Variants in CYGB observed in about 807,000 individuals in gnomAD.
CYGB encodes cytoglobin.
In CYGB, 13 loss-of-function variants were observed where a neutral mutation model predicts 20.7. The ratio of observed to expected loss-of-function variants is 0.63; its 90% CI spans 0.41 to 1.00. The LOEUF is 1.00. Ranked by LOEUF, CYGB falls within the 50% of genes least tolerant of loss-of-function variation. The probability of loss-of-function intolerance (pLI) is 0.00; values close to 1 mark genes in which losing one functional copy is unlikely to be tolerated. For synonymous variants in CYGB, 93 were observed against 107.4 expected (o/e 0.87, Z 0.83); for missense variants, 218 against 257.2 (o/e 0.85, Z 1.04).
Position 76,531,729 on chromosome 17 carries a change from G to C in CYGB, c.144-38C>G. On this transcript the variant is annotated intron_variant, in intron 1 of 3. Transcript: ENST00000293230. The surrounding 1 kb of genome is among the most constrained non-coding windows in gnomAD (Gnocchi z 7.4). The stretch of plus-strand genomic sequence containing the variant: ...ACAGGGGTGGTCGCTGAAGCTGGAG[G>C]CTGCCTCGGGCCCACCCTGAAGCTT... 4.6e-6 allele frequency: 7 copies of C among 1,536,544 alleles called. No homozygotes were observed. The highest frequency in any genetic ancestry group is 5.3e-6 in the Non-Finnish European group (6 of 1,127,830).
rs1222738824 is a variant in CYGB at position 76,537,533 on chromosome 17, C to T, written c.10G>A (p.Val4Met). MEK[V>M]PGEMEIERRE... ...CGCTCGATCTCCATCTCGCCTGGCA[C>T]TTTCTCCATGAGCAGCTCCAAGCCC... The change falls in exon 1 of 4, where the codon GTG becomes ATG. Residue 4 changes from valine to methionine, a missense_variant. By Grantham distance (21) the Val-to-Met change is conservative. Coordinates refer to ENST00000293230, the MANE Select transcript of CYGB (RefSeq NM_134268.5). The T allele has an allele frequency of 2.0e-5, 31 of 1,560,896 alleles. No homozygotes were observed. The highest frequency in any genetic ancestry group is 2.6e-5 in the Non-Finnish European group (30 of 1,156,824).
Position 76,537,464 on chromosome 17 carries a change from C to T in CYGB, c.79G>A (p.Val27Met). The change falls in exon 1 of 4, where the codon GTG becomes ATG. Residue 27 changes from valine (V) to methionine (M), a missense_variant. Val to Met is a conservative substitution (Grantham distance 21, BLOSUM62 1). Transcript: ENST00000293230. ...TAGAGCCGGGCCCACATAGCCTGCA[C>T]CGCCTTCCTCTCCGCCTCGGACAGC... The part of the protein sequence containing the change: ...EELSEAERKA[V>M]QAMWARLYAN... The T allele has an allele frequency of 6.3e-7, 1 of 1,597,460 alleles. No homozygotes were observed. The highest frequency in any genetic ancestry group is 1.1e-5 in the South Asian group (1 of 89,804).
At chr17:76,538,451 C>A (rs990123306), upstream of CYGB, 3 of 466,298 alleles carry the variant, frequency 6.4e-6, no homozygotes, top group Non-Finnish European at 1.3e-5. Context: ...GCCCTCGGTG[C>A]ACGAACGCGG....
intron 1 of CYGB, chr17:76,544,893 T>A: frequency 2.2e-6 from 1 of 456,756 alleles, no homozygotes; most frequent in Non-Finnish European, 4.4e-6. Flanking sequence ...GCAGCGCCCC[T>A]CCACGCCACT....
At position 76,528,286 on chromosome 17, in the gene CYGB, T is replaced by G. The variant is rs2074790482; in HGVS notation, c.*292A>C. ...ATTCCCTAAGGGACTCCTAGACCTG[T>G]CCCGCTTCCTGCCAGCCGCTCAGCT... On this transcript the variant is annotated 3_prime_UTR_variant, in exon 4 of 4. Transcript: ENST00000293230. This position sits in a 1 kb window ranked among gnomAD's most constrained non-coding sequence, Gnocchi z 5.8. The G allele has an allele frequency of 5.0e-6, 2 of 400,154 alleles. No individual in the cohort carries two copies. Among genetic ancestry groups the G allele is most frequent in the Non-Finnish European group, 8.8e-6 (2 of 226,942 alleles). 24.8% of individuals were successfully genotyped at this position (400,154 alleles called of 1,614,324 possible).
rs965708383 is a variant in CYGB at position 76,546,449 on chromosome 17, TTTG to T, written c.-53+4410_-53+4412del. The stretch of plus-strand genomic sequence containing the variant: ...AGTGTGCGGTTGTGTGTGTGTGTGG[TTTG>T]TGTGTGTGTGTGTGTGTGTGCGCGC... On this transcript the variant is annotated intron_variant, in intron 1 of 3. Transcript: ENST00000589145. This position sits in a 1 kb window ranked among gnomAD's most constrained non-coding sequence, Gnocchi z 4.5. 70 of 14,408 alleles carry T rather than the reference TTTG, an allele frequency of 4.9e-3. No homozygotes were observed. In the South Asian group the frequency reaches 0.058, roughly 12 times the overall value. 0.9% of individuals were successfully genotyped at this position (14,408 alleles called of 1,614,324 possible).
At chr17:76,539,710 AT>A (rs939413330), upstream of CYGB, among the ~76,000 whole-genome samples, 5 of 152,192 alleles carry the variant, frequency 3.3e-5, no homozygotes, top group African/African-American at 1.2e-4. Context: ...TGCACTGCAA[AT>A]TCAGAGGCCC....
chr17:76,531,328 C>T lies in CYGB; in HGVS notation c.375+132G>A. On this transcript the variant is annotated intron_variant, in intron 2 of 3. Transcript: ENST00000293230. The surrounding 1 kb of genome is among the most constrained non-coding windows in gnomAD (Gnocchi z 7.4). ...CCAGCCCCTCCATCCTGCTGCCGGG[C>T]ACTGCCCCTCCCTCTCGCAGCCACT... 1 of 1,258,382 alleles carries T rather than the reference C, an allele frequency of 7.9e-7. No homozygotes were observed. The allele number at this position is 1,258,382 out of a possible 1,614,324, so 78.0% of individuals were successfully genotyped here. A position where few individuals can be genotyped will look rare whatever the true frequency, so the allele number is the denominator to read the frequency against.
intron 1 of CYGB, chr17:76,545,612 A>C (rs968046464): frequency 1.2e-5 from 4 of 338,818 alleles, no homozygotes; most frequent in African/African-American, 8.6e-5. Flanking sequence ...TTGTTCCACC[A>C]GCACATCCTA....
At chr17:76,536,081 C>T (rs1442345225) in intron 1 of CYGB, among the ~76,000 whole-genome samples, 1 of 152,164 alleles carries the variant, frequency 6.6e-6, no homozygotes, top group Non-Finnish European at 1.5e-5. Context: ...TGGTTCCGAG[C>T]GTCTGAGGCC....
In CYGB at chr17:76,528,587, C is replaced by G. The variant is rs376871878; in HGVS notation, c.564G>C (p.Ser188=). 1.6e-6 allele frequency: 2 copies of G among 1,286,300 alleles called. No individual in the cohort carries two copies. Among genetic ancestry groups the G allele is most frequent in the African/African-American group, 1.5e-5 (1 of 65,486 alleles). 79.7% of individuals were successfully genotyped at this position (1,286,300 alleles called of 1,614,324 possible). A position where few individuals can be genotyped will look rare whatever the true frequency, so the allele number is the denominator to read the frequency against. The change falls in exon 4 of 4, where the codon TCG becomes TCC. Residue 188 remains serine, a synonymous_variant. Coordinates refer to ENST00000293230, the MANE Select transcript of CYGB (RefSeq NM_134268.5). The surrounding 1 kb of genome is among the most constrained non-coding windows in gnomAD (Gnocchi z 5.8). ...ATTPPATLPS[S]GP ...GGTGGAGTTAGGGGTCCTACGGCCC[C>G]GAAGAGGGCAGTGTGGCCGGTGGGC...
intron 1 of CYGB, among the ~76,000 whole-genome samples, chr17:76,548,032 A>G (rs1365194208): frequency 6.6e-6 from 1 of 152,104 alleles, no homozygotes; most frequent in Admixed American, 6.5e-5. Context: ...ACACAGACAT[A>G]CACATATACG....
At position 76,528,491 on chromosome 17, in the gene CYGB, C is replaced by T. The variant is rs1293080391; in HGVS notation, c.*87G>A. ...TCAGGGATTCCTCCAGCTTCCTTGG[C>T]ACCCAGAAATGGAGCGTCAAGGAGG... is the stretch of plus-strand genomic sequence containing the variant. On this transcript the variant is annotated 3_prime_UTR_variant, in exon 4 of 4. Transcript: ENST00000293230. This position sits in a 1 kb window ranked among gnomAD's most constrained non-coding sequence, Gnocchi z 5.8. 1.7e-6 allele frequency: 2 copies of T among 1,163,498 alleles called. No individual in the cohort carries two copies. 72.1% of individuals were successfully genotyped at this position (1,163,498 alleles called of 1,614,324 possible).
At chr17:76,532,798 A>G (rs910187129) in intron 1 of CYGB, among the ~76,000 whole-genome samples, 1 of 152,016 alleles carries the variant, frequency 6.6e-6, no homozygotes. Context: ...CAGCCTCCCA[A>G]AGTGCTGGGA....
At position 76,531,440 on chromosome 17, in the gene CYGB, C is replaced by T. The variant is rs752535991; in HGVS notation, c.375+20G>A. 1 of 1,594,908 alleles carries T rather than the reference C, an allele frequency of 6.3e-7. No individual in the cohort carries two copies. Among genetic ancestry groups the T allele is most frequent in the Non-Finnish European group, 8.6e-7 (1 of 1,164,230 alleles). On this transcript the variant is annotated intron_variant, in intron 2 of 3. Transcript: ENST00000293230. The surrounding 1 kb of genome is among the most constrained non-coding windows in gnomAD (Gnocchi z 7.4). ...TGACGCGTGGGCGGTGGGGGCTCTG[C>T]AGCAGATGGGGGCGCATACCTTGAA...
At chr17:76,543,897 G>C (rs765719013) in intron 1 of CYGB, 2 of 471,022 alleles carry the variant, frequency 4.2e-6, no homozygotes, top group South Asian at 1.5e-5. Flanking sequence ...AGCTGGATGG[G>C]AGCAACGGAC....
At position 76,527,834 on chromosome 17, in the gene CYGB, G is replaced by T; in HGVS notation, c.*744C>A. 1 of 453,574 alleles carries T rather than the reference G, an allele frequency of 2.2e-6. No homozygotes were observed. Among genetic ancestry groups the T allele is most frequent in the Non-Finnish European group, 4.4e-6 (1 of 226,344 alleles). 28.1% of individuals were successfully genotyped at this position (453,574 alleles called of 1,614,324 possible). On this transcript the variant is annotated 3_prime_UTR_variant, in exon 4 of 4. Coordinates refer to ENST00000293230, the MANE Select transcript of CYGB (RefSeq NM_134268.5). ...GCCCCTGCCCATTCTAGGACAGCCG[G>T]TGAGTCAGTTCCTCTGAGGGAGTAG...
At chr17:76,549,273 GGAAA>G (rs1185743305) in intron 1 of CYGB, among the ~76,000 whole-genome samples, 3 of 152,186 alleles carry the variant, frequency 2.0e-5, no homozygotes, top group African/African-American at 4.8e-5. Context: ...AAAAAAGTGG[GGAAA>G]GATTTTAATA....
At chr17:76,547,643 TCACACA>T (rs56118010) in intron 1 of CYGB, among the ~76,000 whole-genome samples, 95 of 149,948 alleles carry the variant, frequency 6.3e-4, no homozygotes, top group South Asian at 6.1e-3. Flanking sequence ...ACACACACAT[TCACACA>T]CACACACACA....
Sources: allele counts gnomAD v4.1 joint callset (sites outside exome capture counted in the v4.1 genomes callset), GRCh38; gene constraint gnomAD v4.1.1; non-coding constraint Gnocchi (gnomAD v3.1); transcripts MANE v1.5; gene names NCBI Gene and HGNC (gene_info 2026-07-23, HGNC 2026-07-21).